The following TENM3 variants were observed in gnomAD, a reference collection of about 807,000 sequenced individuals.
TENM3 encodes teneurin-3.
Under a neutral mutation model 255.1 loss-of-function variants are expected in TENM3, and 63 were observed. The ratio of observed to expected loss-of-function variants is 0.25; its 90% CI spans 0.20 to 0.30. The LOEUF is 0.30. TENM3 is among the 10% of genes least tolerant of loss of function. The pLI is 1.00. For synonymous variants in TENM3, 1,306 were observed against 1,322.3 expected (o/e 0.99, Z 0.27); for missense variants, 2,929 against 3,461.1 (o/e 0.85, Z 3.86).
chr4:182,593,973 A>T (rs964445205), intron 3 of TENM3, among the ~76,000 whole-genome samples: 44 of 139,190 alleles, frequency 3.2e-4, no homozygotes, highest in African/African-American at 1.1e-3. Context: ...TTTTAGTCTT[A>T]AAAAAAAAAA....
At chr4:181,463,857 C>T in the TENM3 span, among the ~76,000 whole-genome samples, 1 of 152,240 alleles carries the variant, frequency 6.6e-6, no homozygotes, top group Non-Finnish European at 1.5e-5. Flanking sequence ...CTTTCAATGT[C>T]TGTTGATGTG....
chr4:181,798,090 A>AGTGTGTGTGTGTGT, the TENM3 span, among the ~76,000 whole-genome samples: 2 of 149,790 alleles, frequency 1.3e-5, no homozygotes, highest in South Asian at 2.1e-4. Flanking sequence ...TTTCAAAATA[A>AGTGTGTGTGTGTGT]GTGTGTGTGT....
chr4:182,498,468 G>A (rs1441823000), intron 3 of TENM3, among the ~76,000 whole-genome samples: 1 of 152,134 alleles, frequency 6.6e-6, no homozygotes, highest in Non-Finnish European at 1.5e-5. Flanking sequence ...GTTTCACCGA[G>A]ATGGTACCCA....
the TENM3 span, among the ~76,000 whole-genome samples, chr4:182,044,830 G>A: frequency 2.0e-5 from 3 of 152,100 alleles, no homozygotes; most frequent in African/African-American, 7.2e-5. Context: ...GAAATCAGAG[G>A]GCCCACATGA....
chr4:181,941,666 C>T, the TENM3 span, among the ~76,000 whole-genome samples: 1 of 152,126 alleles, frequency 6.6e-6, no homozygotes, highest in Non-Finnish European at 1.5e-5. Flanking sequence ...TTCATCTGAT[C>T]ACTCCCTCTC....
chr4:182,143,195 G>C (rs1749600038), upstream of TENM3: 1 of 167,204 alleles, frequency 6.0e-6, no homozygotes, highest in African/African-American at 2.4e-5. The surrounding 1 kb of genome is among the most constrained non-coding windows in gnomAD (Gnocchi z 4.3). Context: ...TGGAGCCTTC[G>C]GAGGACTCCC....
intron 3 of TENM3, among the ~76,000 whole-genome samples, chr4:182,519,925 C>A (rs1738389211): frequency 6.6e-6 from 1 of 152,040 alleles, no homozygotes; most frequent in Non-Finnish European, 1.5e-5. Context: ...AAGTGAATGG[C>A]TAAACATTGG....
chr4:181,975,484 C>G, the TENM3 span: 1 of 152,120 alleles, frequency 6.6e-6, no homozygotes, highest in East Asian at 1.9e-4. Flanking sequence ...TTTGTTTATC[C>G]AGTTAACTGT....
At chr4:181,794,415 CTT>C in the TENM3 span, among the ~76,000 whole-genome samples, 7 of 152,212 alleles carry the variant, frequency 4.6e-5, no homozygotes, top group African/African-American at 1.4e-4. Context: ...GCAACTGAAA[CTT>C]TGCACAATTT....
At chr4:181,723,154 G>A in the TENM3 span, among the ~76,000 whole-genome samples, 7 of 152,048 alleles carry the variant, frequency 4.6e-5, no homozygotes, top group African/African-American at 1.4e-4. Flanking sequence ...GTCTAGATCA[G>A]AGTCAACCAG....
intron 1 of TENM3, among the ~76,000 whole-genome samples, chr4:182,203,970 A>C (rs1271965422): frequency 6.6e-6 from 1 of 152,234 alleles, no homozygotes; most frequent in East Asian, 1.9e-4. Context: ...TATAACATGG[A>C]TTCGAGAAGG....
chr4:182,400,108 T>A (rs908089891), intron 3 of TENM3, among the ~76,000 whole-genome samples: 1 of 152,258 alleles, frequency 6.6e-6, no homozygotes, highest in Non-Finnish European at 1.5e-5. Context: ...TAATGTTTAA[T>A]GTTTCCATTT....
At chr4:182,706,891 C>T (rs776030778) in intron 12 of TENM3, among the ~76,000 whole-genome samples, 6 of 151,342 alleles carry the variant, frequency 4.0e-5, no homozygotes, top group Non-Finnish European at 7.4e-5. Flanking sequence ...GAAGTTGAGG[C>T]TGCAGTGAGC....
chr4:182,567,278 T>C (rs1297919399), intron 3 of TENM3, among the ~76,000 whole-genome samples: 1 of 152,210 alleles, frequency 6.6e-6, no homozygotes, highest in Non-Finnish European at 1.5e-5. Flanking sequence ...ACACTAGCCT[T>C]AGTCACCATT....
chr4:182,048,053 A>G, the TENM3 span, among the ~76,000 whole-genome samples: 2 of 152,120 alleles, frequency 1.3e-5, no homozygotes, highest in Non-Finnish European at 2.9e-5. Context: ...GTGCCCTGAT[A>G]ATTCACCAAT....
At chr4:182,043,030 C>T in the TENM3 span, among the ~76,000 whole-genome samples, 3 of 151,442 alleles carry the variant, frequency 2.0e-5, no homozygotes, top group South Asian at 6.3e-4. Flanking sequence ...TGTAATTTTG[C>T]GTAAAATAGC....
intron 24 of TENM3, among the ~76,000 whole-genome samples, chr4:182,777,511 A>ATG (rs150202066): frequency 0.078 from 7,736 of 99,766 alleles, 266 homozygotes; most frequent in Non-Finnish European, 0.092. Context: ...TAATGTGTTT[A>ATG]TGTGTGTGTG....
chr4:182,320,691 C>T (rs1186158246), intron 1 of TENM3, among the ~76,000 whole-genome samples: 2 of 152,200 alleles, frequency 1.3e-5, no homozygotes, highest in African/African-American at 4.8e-5. Context: ...TTTGGGGAGA[C>T]ACAATTCAAA....
chr4:182,019,458 A>G, the TENM3 span, among the ~76,000 whole-genome samples: 1 of 152,122 alleles, frequency 6.6e-6, no homozygotes, highest in African/African-American at 2.4e-5. Flanking sequence ...CGCTTCTCTA[A>G]GGTTTAATGC....
Sources: allele counts gnomAD v4.1 joint callset (sites outside exome capture counted in the v4.1 genomes callset), GRCh38; gene constraint gnomAD v4.1.1; non-coding constraint Gnocchi (gnomAD v3.1); transcripts MANE v1.5; gene names NCBI Gene and HGNC (gene_info 2026-07-23, HGNC 2026-07-21).